Variants in MTHFD1L observed in about 807,000 individuals in gnomAD.
The protein encoded by MTHFD1L is methylenetetrahydrofolate dehydrogenase (NADP+ dependent) 1 like, also known as monofunctional C1-tetrahydrofolate synthase, mitochondrial.
MTHFD1L carries 81 observed loss-of-function variants against 119.5 expected under a neutral mutation model. The ratio of observed to expected loss-of-function variants is 0.68; its 90% CI spans 0.57 to 0.82. The LOEUF (loss-of-function observed/expected upper bound fraction) is 0.82. Ranked by LOEUF, MTHFD1L falls within the 40% of genes least tolerant of loss-of-function variation. MTHFD1L has a pLI of 0.00. For missense variants in MTHFD1L, 1,125 were observed against 1,253.4 expected, an observed-to-expected ratio of 0.90 and a Z score of 1.55; for synonymous variants, 430 against 475.2, an observed-to-expected ratio of 0.90 and a Z score of 1.24.
intron 10 of MTHFD1L, among the ~76,000 whole-genome samples, chr6:150,922,844 C>T (rs1449946040): frequency 6.7e-6 from 1 of 149,618 alleles, no homozygotes; most frequent in Admixed American, 6.6e-5. Context: ...GGGGTTTCAC[C>T]ATTTTGGCCA....
intron 7 of MTHFD1L, 110 bp from the exon 8 acceptor site, chr6:150,905,540 G>T: frequency 1.3e-6 from 1 of 757,064 alleles, no homozygotes; most frequent in East Asian, 2.5e-5. Flanking sequence ...TCAGCAGCTT[G>T]GAACAAAGCT....
Position 150,926,807 on chromosome 6 carries a change from G to C in MTHFD1L, c.1256+512G>C, listed in dbSNP as rs902120256. Among the ~76,000 whole-genome samples, 23 of 152,038 alleles carry C rather than the reference G, an allele frequency of 1.5e-4. No homozygotes were observed. The highest frequency in any genetic ancestry group is 3.3e-4 in the Admixed American group (5 of 15,264). On this transcript the variant is annotated intron_variant, in intron 11 of 27. Coordinates refer to ENST00000367321, the MANE Select transcript of MTHFD1L (RefSeq NM_015440.5). The surrounding 1 kb of genome is among the most constrained non-coding windows in gnomAD (Gnocchi z 4.3). Reference sequence around the variant, plus strand: ...AACTAATGTTGGGCCATTTTCATTTGTGTTGGTTATTTTATAAAAGACAAA... The same window carrying C: ...AACTAATGTTGGGCCATTTTCATTTCTGTTGGTTATTTTATAAAAGACAAA...
chr6:151,041,699 T>C (rs1284355733), intron 26 of MTHFD1L: 5 of 459,044 alleles, frequency 1.1e-5, no homozygotes, highest in Non-Finnish European at 2.2e-5. Flanking sequence ...TAGACTCCAG[T>C]AAATAAAACC....
At chr6:150,885,471 C>T (rs1481597232) in intron 5 of MTHFD1L, among the ~76,000 whole-genome samples, 163 bp from the exon 6 acceptor site, 1 of 152,210 alleles carries the variant, frequency 6.6e-6, no homozygotes, top group African/African-American at 2.4e-5. Flanking sequence ...GCTGGGATTA[C>T]AGGCGTGAGC....
rs148753409 is a variant in MTHFD1L, at chr6:151,034,513, A to G, written c.2607A>G (p.Ile869Met). The change falls in exon 25 of 28, where the codon ATA (isoleucine) becomes ATG (methionine). Residue 869 changes from isoleucine (I) to methionine (M), a missense_variant. Physicochemically the swap from Ile to Met is conservative, Grantham distance 10 (BLOSUM62 1). Coordinates refer to ENST00000367321, the MANE Select transcript of MTHFD1L (RefSeq NM_015440.5). ...YDVQVPIVDK[I>M]RTIAQAVYGA... ...TCCAGGTTCCAATTGTGGACAAGAT[A>G]AGGACCATTGCTCAGGCTGTCTATG... 21 of 1,611,038 alleles carry G rather than the reference A, an allele frequency of 1.3e-5. No individual in the cohort carries two copies. The African/African-American group carries it at 2.4e-4, about 18-fold the overall frequency.
At chr6:150,921,201 CCT>C (rs1241319972) in intron 9 of MTHFD1L, among the ~76,000 whole-genome samples, 2 of 151,746 alleles carry the variant, frequency 1.3e-5, no homozygotes, top group Admixed American at 1.3e-4. Context: ...CTCACTGCAA[CCT>C]CCACCTCCCG....
chr6:151,025,624 C>T (rs1444239233), intron 24 of MTHFD1L, among the ~76,000 whole-genome samples: 3 of 152,156 alleles, frequency 2.0e-5, no homozygotes, highest in Non-Finnish European at 4.4e-5. Context: ...ACATGTTTTA[C>T]GGGACTTGGA....
intron 20 of MTHFD1L, among the ~76,000 whole-genome samples, chr6:150,994,095 A>AGAAAGAAAGAAAGAAAGAAAG (rs1562508913): frequency 1.4e-5 from 2 of 143,728 alleles, no homozygotes; most frequent in African/African-American, 5.5e-5. Context: ...GAAAGAAAGA[A>AGAAAGAAAGAAAGAAAGAAAG]AGTGACCCAG....
At chr6:150,977,587 A>G (rs9478884) in intron 20 of MTHFD1L, among the ~76,000 whole-genome samples, 29,977 of 152,192 alleles carry the variant, frequency 0.2, 3,038 homozygotes, top group Middle Eastern at 0.3. Flanking sequence ...AAGAAAGGAA[A>G]AAGCAGTATT....
At chr6:150,977,484 C>T (rs1776747628) in intron 20 of MTHFD1L, among the ~76,000 whole-genome samples, 1 of 152,144 alleles carries the variant, frequency 6.6e-6, no homozygotes, top group Non-Finnish European at 1.5e-5. Context: ...GGGAGTTCAC[C>T]TAACTTCCAT....
chr6:150,935,201 C>G (rs539463297), intron 11 of MTHFD1L: 1 of 1,611,692 alleles, frequency 6.2e-7, no homozygotes, highest in Non-Finnish European at 8.5e-7. Flanking sequence ...TGTAGGTGGT[C>G]AGGAGAAATT....
rs750895376 is a variant in MTHFD1L at position 150,891,446 on chromosome 6, T to TTA, written c.780+3476_780+3477dup. Reference sequence around the variant, plus strand: ...ATATAATATGTATTACATATAATCCTTATATATATATAGAATCTTAATATA... The same window carrying TTA: ...ATATAATATGTATTACATATAATCCTTATATATATATATAGAATCTTAATATA... On this transcript the variant is annotated intron_variant, in intron 7 of 27. Transcript: ENST00000367321. Among the ~76,000 whole-genome samples, 25 of 148,016 alleles carry TTA rather than the reference T, an allele frequency of 1.7e-4. 1 individual carries two copies. The East Asian group carries it at 2.7e-3, about 16-fold the overall frequency.
rs746343699 is a variant in MTHFD1L, at chr6:150,926,271, A to G, written c.1232A>G (p.Asp411Gly). ...SVLERLKDQA[D>G]GKYVLVAGIT... ...CTAGAAAGGTTAAAGGATCAAGCAG[A>G]TGGAAAATACGTCTTAGTTGCTGGG... Residue 411 changes from aspartate (D) to glycine (G), a missense_variant, in exon 11 of 28, where the codon GAT becomes GGT. By Grantham distance (94) the Asp-to-Gly change is moderately conservative (BLOSUM62 -1). Coordinates refer to ENST00000367321, the MANE Select transcript of MTHFD1L (RefSeq NM_015440.5). The surrounding 1 kb of genome is among the most constrained non-coding windows in gnomAD (Gnocchi z 4.3). 97 of 1,612,402 alleles carry G rather than the reference A, an allele frequency of 6.0e-5. No individual in the cohort carries two copies. In the East Asian group the frequency reaches 8.0e-4, roughly 13 times the overall value.
intron 20 of MTHFD1L, among the ~76,000 whole-genome samples, chr6:151,007,115 T>C (rs1430226182): frequency 2.0e-5 from 3 of 151,892 alleles, no homozygotes; most frequent in Admixed American, 2.0e-4. Context: ...TCTTCTTTCC[T>C]CCCTCTCCTT....
At chr6:151,073,167 T>C (rs1224121701) in intron 26 of MTHFD1L, among the ~76,000 whole-genome samples, 1 of 152,188 alleles carries the variant, frequency 6.6e-6, no homozygotes, top group Non-Finnish European at 1.5e-5. Flanking sequence ...GGCAGCTAGT[T>C]TGCAGAGGTG....
At chr6:151,070,841 C>T (rs1450247737) in intron 26 of MTHFD1L, among the ~76,000 whole-genome samples, 1 of 152,192 alleles carries the variant, frequency 6.6e-6, no homozygotes, top group Non-Finnish European at 1.5e-5. Context: ...TAACCTTTTC[C>T]TCATTGGGAA....
chr6:151,077,880 T>A, intron 26 of MTHFD1L, among the ~76,000 whole-genome samples: 1 of 151,226 alleles, frequency 6.6e-6, no homozygotes, highest in Non-Finnish European at 1.5e-5. Context: ...TGAAACCCTG[T>A]CTCTACTAAA....
intron 7 of MTHFD1L, among the ~76,000 whole-genome samples, chr6:150,902,350 C>T (rs1341733229): frequency 1.3e-5 from 2 of 152,186 alleles, no homozygotes; most frequent in Non-Finnish European, 2.9e-5. Context: ...ATTCACTTGT[C>T]TGCCTGGGGA....
At position 150,877,685 on chromosome 6, in the gene MTHFD1L, G is replaced by A. The variant is rs1431800814; in HGVS notation, c.363+1G>A. 6.2e-7 allele frequency: 1 copy of A among 1,614,092 alleles called. No homozygotes were observed. The highest frequency in any genetic ancestry group is 8.5e-7 in the Non-Finnish European group (1 of 1,180,044). The stretch of plus-strand genomic sequence containing the variant: ...AATCAACCAGAATTTGGCTGAGGAG[G>A]TGAGGACTGCTGCTTTTAAAAAATT... On this transcript the variant is annotated splice_donor_variant, in intron 3 of 27. Transcript: ENST00000367321. LOFTEE classifies it high-confidence loss of function.
Sources: gnomAD v4.1 joint callset for allele counts (sites outside exome capture counted in the v4.1 genomes callset) on GRCh38, gnomAD v4.1.1 for gene constraint, Gnocchi (gnomAD v3.1) non-coding constraint, MANE v1.5 for transcripts, NCBI Gene and HGNC (gene_info 2026-07-23, HGNC 2026-07-21) for gene names.